The following SLC1A3 variants were observed in gnomAD, a reference collection of about 807,000 sequenced individuals.
SLC1A3 encodes solute carrier family 1 member 3.
Under a neutral mutation model 48.1 loss-of-function variants are expected in SLC1A3, and 21 were observed. The ratio of observed to expected loss-of-function variants is 0.44; its 90% CI spans 0.31 to 0.63. SLC1A3 has a LOEUF of 0.63. Ranked by LOEUF, SLC1A3 falls within the 20% of genes least tolerant of loss-of-function variation. The probability of loss-of-function intolerance (pLI) is 0.08; values close to 1 mark genes in which losing one functional copy is unlikely to be tolerated. For synonymous variants in SLC1A3, 239 were observed against 251.4 expected (o/e 0.95, Z 0.47); for missense variants, 546 against 689.0 (o/e 0.79, Z 2.32).
intron 1 of SLC1A3, among the ~76,000 whole-genome samples, chr5:36,599,361 G>A (rs973893754): frequency 2.6e-5 from 4 of 152,022 alleles, no homozygotes; most frequent in Non-Finnish European, 5.9e-5. Context: ...TTTATTTCCC[G>A]CATTTGTCCT....
intron 5 of SLC1A3, among the ~76,000 whole-genome samples, 183 bp from the exon 6 acceptor site, chr5:36,676,709 T>G (rs1038859495): frequency 6.6e-6 from 1 of 152,096 alleles, no homozygotes; most frequent in Admixed American, 6.6e-5. Context: ...TCTGTCTGTC[T>G]GTGTTGAGAA....
At chr5:36,623,300 C>T (rs188301771) in intron 2 of SLC1A3, among the ~76,000 whole-genome samples, 1 of 152,272 alleles carries the variant, frequency 6.6e-6, no homozygotes, top group Admixed American at 6.5e-5. Context: ...TTGCTCATGA[C>T]ATCCATATAT....
chr5:36,604,724 G>C (rs1738854878), upstream of SLC1A3, among the ~76,000 whole-genome samples: 1 of 152,002 alleles, frequency 6.6e-6, no homozygotes, highest in East Asian at 1.9e-4. Flanking sequence ...AGGGCACCAG[G>C]GTCTTCCCAT....
At chr5:36,666,604 T>A in intron 3 of SLC1A3, 1 of 152,220 alleles carries the variant, frequency 6.6e-6, no homozygotes, top group East Asian at 1.9e-4. Context: ...AGTACACTGA[T>A]ACATGTTAAT....
chr5:36,624,076 A>T lies in SLC1A3; in HGVS notation c.182-5374A>T, dbSNP rs188267512. On this transcript the variant is annotated intron_variant, in intron 2 of 9. Coordinates refer to ENST00000265113, the MANE Select transcript of SLC1A3 (RefSeq NM_004172.5). ...ATTCACCGCATTTCCTCTTGATTTG[A>T]TGCTGATAGCTGGCCGACCCTACCT... 1.1e-4 allele frequency among the ~76,000 whole-genome samples: 17 copies of T among 152,256 alleles called. No individual in the cohort carries two copies. In the East Asian group the frequency reaches 2.9e-3, roughly 26 times the overall value.
At chr5:36,597,441 A>G (rs1738757986) in intron 1 of SLC1A3, among the ~76,000 whole-genome samples, 1 of 151,104 alleles carries the variant, frequency 6.6e-6, no homozygotes, top group African/African-American at 2.4e-5. Context: ...ACGGGGTTTC[A>G]CCATATTAGC....
At chr5:36,657,417 C>G (rs1741324216) in intron 3 of SLC1A3, among the ~76,000 whole-genome samples, 1 of 152,186 alleles carries the variant, frequency 6.6e-6, no homozygotes, top group African/African-American at 2.4e-5. Context: ...GTCTTTGAAT[C>G]TGGCTGAATA....
chr5:36,652,509 A>G (rs1398022015), intron 3 of SLC1A3, among the ~76,000 whole-genome samples: 1 of 152,134 alleles, frequency 6.6e-6, no homozygotes, highest in Admixed American at 6.5e-5. Flanking sequence ...AAAATAGAAC[A>G]ATGTGTGTTT....
chr5:36,654,136 C>A (rs1247773298), intron 3 of SLC1A3, among the ~76,000 whole-genome samples: 1 of 152,214 alleles, frequency 6.6e-6, no homozygotes, highest in Non-Finnish European at 1.5e-5. Flanking sequence ...GCCACCACGC[C>A]CAGCCTAATG....
chr5:36,646,164 G>A (rs1277234287), intron 3 of SLC1A3, among the ~76,000 whole-genome samples: 2 of 152,206 alleles, frequency 1.3e-5, no homozygotes, highest in East Asian at 1.9e-4. Context: ...GTTTTTTGAA[G>A]TTGACATCAA....
intron 3 of SLC1A3, among the ~76,000 whole-genome samples, chr5:36,666,802 C>T (rs1326924371): frequency 6.6e-5 from 10 of 152,196 alleles, no homozygotes; most frequent in Non-Finnish European, 1.5e-4. Flanking sequence ...CAGAGTACCA[C>T]ATACACATTT....
At chr5:36,597,858 C>T (rs1291476469) in intron 1 of SLC1A3, among the ~76,000 whole-genome samples, 1 of 152,182 alleles carries the variant, frequency 6.6e-6, no homozygotes, top group Non-Finnish European at 1.5e-5. Context: ...CCTCCCTTTT[C>T]CCCCACAACT....
rs766171404 is a variant in SLC1A3, at chr5:36,676,902, A to G, written c.578A>G (p.Asn193Ser). ...CTTTTTATTTTTAAGTTTAAAACCA[A>G]CTATGAGAAGAGAAGCTTTAAAGTG... ...VEACFKQFKT[N>S]YEKRSFKVPI... The change falls in exon 6 of 10, where the codon AAC (asparagine) becomes AGC (serine). Residue 193 changes from asparagine to serine, a missense_variant. Physicochemically the swap from Asn to Ser is conservative, Grantham distance 46. This residue lies in a region of SLC1A3 where 348 missense variants were observed against 392.0 expected (regional missense o/e 0.89). Transcript: ENST00000265113. The G allele has an allele frequency of 6.2e-6, 10 of 1,612,996 alleles. No homozygotes were observed. The highest frequency in any genetic ancestry group is 4.5e-5 in the East Asian group (2 of 44,878).
At position 36,608,461 on chromosome 5, in the gene SLC1A3, G is replaced by C; in HGVS notation, c.38G>C (p.Gly13Ala). ...AATGGAGAAGAGCCCAAGATGGGGGGCAGGATGGAGAGATTCCAGCAGGGA... is the reference window on the plus strand; with the variant it reads ...AATGGAGAAGAGCCCAAGATGGGGGCCAGGATGGAGAGATTCCAGCAGGGA... ...KSNGEEPKMG[G>A]RMERFQQGVR... Residue 13 changes from glycine to alanine, a missense_variant, in exon 2 of 10, where the codon GGC (glycine) becomes GCC (alanine). By Grantham distance (60) the Gly-to-Ala change is moderately conservative (BLOSUM62 0). Transcript: ENST00000265113. 2 of 1,614,068 alleles carry C rather than the reference G, an allele frequency of 1.2e-6. No individual in the cohort carries two copies. The highest frequency in any genetic ancestry group is 1.7e-6 in the Non-Finnish European group (2 of 1,179,924).
At chr5:36,636,495 C>CTTT (rs1274666599) in intron 3 of SLC1A3, 3 of 114,088 alleles carry the variant, frequency 2.6e-5, no homozygotes, top group Non-Finnish European at 5.1e-5. Context: ...TTCTTTCTTT[C>CTTT]TTTCTTTCTT....
chr5:36,653,045 T>G (rs1580000022), intron 3 of SLC1A3, among the ~76,000 whole-genome samples: 1 of 152,242 alleles, frequency 6.6e-6, no homozygotes, highest in Non-Finnish European at 1.5e-5. Context: ...TTATGACCTC[T>G]TAGAAGCACT....
intron 5 of SLC1A3, among the ~76,000 whole-genome samples, chr5:36,675,948 T>C (rs1742187980): frequency 6.6e-6 from 1 of 151,958 alleles, no homozygotes; most frequent in African/African-American, 2.4e-5. Flanking sequence ...CTCTCACTGG[T>C]GCTTTCCCTA....
chr5:36,685,343 C>T (rs930919128), intron 9 of SLC1A3, among the ~76,000 whole-genome samples: 1 of 152,174 alleles, frequency 6.6e-6, no homozygotes, highest in African/African-American at 2.4e-5. Context: ...ATGGCACAGT[C>T]TTGGCTCACT....
chr5:36,684,945 C>T (rs1324233623), intron 9 of SLC1A3, among the ~76,000 whole-genome samples: 1 of 152,198 alleles, frequency 6.6e-6, no homozygotes, highest in Admixed American at 6.5e-5. Context: ...ATGCAGCCTA[C>T]TGTCTGGCCC....
Sources: gnomAD v4.1 joint callset for allele counts (sites outside exome capture counted in the v4.1 genomes callset) on GRCh38, gnomAD v4.1.1 for gene constraint, gnomAD v4.1.1 regional missense constraint, MANE v1.5 for transcripts, NCBI Gene and HGNC (gene_info 2026-07-23, HGNC 2026-07-21) for gene names.